Variants in ZNF334 observed in about 807,000 individuals in gnomAD.
ZNF334 encodes zinc finger protein 334.
Under a neutral mutation model 12.4 loss-of-function variants are expected in ZNF334, and 14 were observed. The ratio of observed to expected loss-of-function variants is 1.13; its 90% confidence interval spans 0.74 to 1.76. The LOEUF (loss-of-function observed/expected upper bound fraction) is 1.76. Ranked by LOEUF, ZNF334 falls within the 40% of genes most tolerant of loss-of-function variation. The probability of loss-of-function intolerance (pLI) is 0.00; values close to 1 mark genes in which losing one functional copy is unlikely to be tolerated. For missense variants in ZNF334, 797 were observed against 804.5 expected (o/e 0.99, Z 0.11); for synonymous variants, 273 against 269.6 (o/e 1.01, Z -0.12).
At position 46,501,819 on chromosome 20, in the gene ZNF334, C is replaced by T; in HGVS notation, c.1520G>A (p.Cys507Tyr). 1 of 1,613,934 alleles carries T rather than the reference C, an allele frequency of 6.2e-7. No individual in the cohort carries two copies. Among genetic ancestry groups the T allele is most frequent in the Non-Finnish European group, 8.5e-7 (1 of 1,179,960 alleles). ...ISIVKSNCSQ[C>Y]KRMNTKENLY... Reference sequence around the variant, plus strand: ...ATTCTCCTTTGTGTTCATTCTCTTACACTGACTGCAGTTTGACTTCACAAT... The same window carrying T: ...ATTCTCCTTTGTGTTCATTCTCTTATACTGACTGCAGTTTGACTTCACAAT... Residue 507 changes from cysteine to tyrosine, a missense_variant, in exon 5 of 5, where the codon TGT becomes TAT. Physicochemically the swap from Cys to Tyr is radical, Grantham distance 194 (BLOSUM62 -2). Coordinates refer to ENST00000692313, the MANE Select transcript of ZNF334 (RefSeq NM_001353824.2).
chr20:46,480,999 T>G, the ZNF334 span: 3 of 152,512 alleles, frequency 2.0e-5, no homozygotes, highest in East Asian at 5.8e-4. Flanking sequence ...TACGCTGTTA[T>G]GGATTCCTGG....
At chr20:46,485,242 CG>C in the ZNF334 span, 2 of 159,500 alleles carry the variant, frequency 1.3e-5, no homozygotes, top group African/African-American at 5.0e-5. Context: ...CTTTACCCCA[CG>C]TTTATCACTC....
chr20:46,497,996 C>T (rs1003803704), downstream of ZNF334, among the ~76,000 whole-genome samples: 1 of 152,174 alleles, frequency 6.6e-6, no homozygotes, highest in Non-Finnish European at 1.5e-5. Context: ...AGTGTATAAA[C>T]ATGCATTTAT....
In ZNF334 at chr20:46,500,127, T is replaced by A. The variant is rs535160673; in HGVS notation, c.*1169A>T. ...ATTATACTTGCAGGTCAGCCCACAA[T>A]GAAGAGGGAGTTCAGCTGAGCAAAC... On this transcript the variant is annotated 3_prime_UTR_variant, in exon 5 of 5. Coordinates refer to ENST00000692313, the MANE Select transcript of ZNF334 (RefSeq NM_001353824.2). 3 of 152,280 alleles carry A rather than the reference T, an allele frequency of 2.0e-5. No homozygotes were observed. Among genetic ancestry groups the A allele is most frequent in the African/African-American group, 7.2e-5 (3 of 41,538 alleles). The allele number at this position is 152,280 out of a possible 1,614,324, so 9.4% of individuals were successfully genotyped here. A position where few individuals can be genotyped will look rare whatever the true frequency, so the allele number is the denominator to read the frequency against.
Position 46,500,960 on chromosome 20 carries a change from A to C in ZNF334, c.*336T>G, listed in dbSNP as rs1345649865. On this transcript the variant is annotated 3_prime_UTR_variant, in exon 5 of 5. Transcript: ENST00000692313. ...GAAGGTCAGATCCTCACACCTCGTA[A>C]CATACACTATCAAGTAACACTGTGG... 5.1e-5 allele frequency: 12 copies of C among 236,486 alleles called. No homozygotes were observed. Among genetic ancestry groups the C allele is most frequent in the Non-Finnish European group, 9.1e-5 (11 of 121,000 alleles). The allele number at this position is 236,486 out of a possible 1,614,324, so 14.6% of individuals were successfully genotyped here. A position where few individuals can be genotyped will look rare whatever the true frequency, so the allele number is the denominator to read the frequency against.
intron 2 of ZNF334, among the ~76,000 whole-genome samples, chr20:46,510,925 A>T (rs1285340163): frequency 6.6e-6 from 1 of 152,090 alleles, no homozygotes; most frequent in Non-Finnish European, 1.5e-5. Context: ...ATCCTTACAG[A>T]GATGTTCAGC....
At chr20:46,484,815 T>C in the ZNF334 span, among the ~76,000 whole-genome samples, 11 of 152,188 alleles carry the variant, frequency 7.2e-5, no homozygotes, top group Non-Finnish European at 1.0e-4. Context: ...AACTATAGTC[T>C]GAGGCTGTCA....
At chr20:46,473,704 C>G in the ZNF334 span, among the ~76,000 whole-genome samples, 22 of 152,294 alleles carry the variant, frequency 1.4e-4, no homozygotes, top group South Asian at 1.5e-3. Context: ...CATCAATGAA[C>G]AAGATAGACA....
the ZNF334 span, chr20:46,481,389 A>T: frequency 6.6e-6 from 1 of 152,280 alleles, no homozygotes; most frequent in Non-Finnish European, 1.5e-5. Flanking sequence ...CCCAAGATTT[A>T]GTATTCATTC....
the ZNF334 span, among the ~76,000 whole-genome samples, chr20:46,474,188 C>G: frequency 2.6e-5 from 4 of 152,118 alleles, no homozygotes; most frequent in Non-Finnish European, 4.4e-5. Context: ...GCCTGGCTGA[C>G]ATGGCGAAAC....
At chr20:46,483,737 A>T in the ZNF334 span, among the ~76,000 whole-genome samples, 2 of 152,030 alleles carry the variant, frequency 1.3e-5, no homozygotes, top group African/African-American at 2.4e-5. Flanking sequence ...TTCCTAACCC[A>T]CTTGAATTAC....
rs1257241170 is a variant in ZNF334, at chr20:46,511,419, C to T, written c.21+663G>A. Reference sequence around the variant, plus strand: ...ATATTTAGGTTACTGCTAAATTTTTCCAGAACAGATCCATCAGAGTGGTGG... The same window carrying T: ...ATATTTAGGTTACTGCTAAATTTTTTCAGAACAGATCCATCAGAGTGGTGG... On this transcript the variant is annotated intron_variant, in intron 2 of 4. Transcript: ENST00000692313. Among the ~76,000 whole-genome samples the T allele has an allele frequency of 2.0e-5, 3 of 152,030 alleles. No homozygotes were observed. The East Asian group carries it at 5.8e-4, about 29-fold the overall frequency.
chr20:46,512,254 G>T, intron 1 of ZNF334, 114 bp from the exon 2 acceptor site: 1 of 678,838 alleles, frequency 1.5e-6, no homozygotes. Flanking sequence ...TGACCAGTCT[G>T]GTTCAGGAAG....
the ZNF334 span, among the ~76,000 whole-genome samples, chr20:46,489,090 T>C: frequency 6.6e-6 from 1 of 152,126 alleles, no homozygotes; most frequent in African/African-American, 2.4e-5. Flanking sequence ...TTGCCCATTA[T>C]TTCTTCAAAT....
Position 46,502,673 on chromosome 20 carries a change from T to A in ZNF334, c.666A>T (p.Ala222=), listed in dbSNP as rs759370460. 4 of 1,612,702 alleles carry A rather than the reference T, an allele frequency of 2.5e-6. No individual in the cohort carries two copies. The African/African-American group carries it at 5.3e-5, about 22-fold the overall frequency. ...NKCGKTFFKR[A]ILITQKGRQT... ...GTCTCCCCTTTTGTGTAATGAGAAT[T>A]GCCCTCTTGAAGAAGGTTTTCCCAC... Residue 222 remains alanine, a synonymous_variant, in exon 5 of 5, where the codon GCA becomes GCT. Coordinates refer to ENST00000692313, the MANE Select transcript of ZNF334 (RefSeq NM_001353824.2).
chr20:46,502,087 A>T lies in ZNF334; in HGVS notation c.1252T>A (p.Ser418Thr), dbSNP rs1276427668. ...SECEKTFFCQSALNVHRRSHT... is the reference protein window; with the variant it reads ...SECEKTFFCQTALNVHRRSHT... The stretch of plus-strand genomic sequence containing the variant: ...CTTCTTCGATGCACATTGAGGGCAG[A>T]TTGACAAAAGAAGGTTTTCTCACAT... The change falls in exon 5 of 5, where the codon TCT (serine) becomes ACT (threonine). Residue 418 changes from serine to threonine, a missense_variant. By Grantham distance (58) the Ser-to-Thr change is moderately conservative (BLOSUM62 1). Transcript: ENST00000692313. 6.2e-7 allele frequency: 1 copy of T among 1,614,202 alleles called. No individual in the cohort carries two copies. The highest frequency in any genetic ancestry group is 8.5e-7 in the Non-Finnish European group (1 of 1,180,020).
chr20:46,511,887 T>C (rs1349410509), intron 2 of ZNF334, among the ~76,000 whole-genome samples, 195 bp downstream of exon 2: 1 of 152,230 alleles, frequency 6.6e-6, no homozygotes, highest in African/African-American at 2.4e-5. Context: ...TCTCATATTG[T>C]CTGGGCCTTT....
the ZNF334 span, among the ~76,000 whole-genome samples, chr20:46,486,274 T>A: frequency 6.6e-6 from 1 of 152,158 alleles, no homozygotes; most frequent in Non-Finnish European, 1.5e-5. Flanking sequence ...AATAGCTGGG[T>A]GTGGTGGCAC....
chr20:46,489,232 A>G, the ZNF334 span, among the ~76,000 whole-genome samples: 223 of 152,220 alleles, frequency 1.5e-3, no homozygotes, highest in African/African-American at 5.1e-3. Context: ...CATTTAATGG[A>G]TGGTAGTACT....
Sources: allele counts gnomAD v4.1 joint callset (sites outside exome capture counted in the v4.1 genomes callset), GRCh38; gene constraint gnomAD v4.1.1; transcripts MANE v1.5; gene names NCBI Gene and HGNC (gene_info 2026-07-23, HGNC 2026-07-21).